Variants in RPS24 observed in about 807,000 individuals in gnomAD.
RPS24 encodes the protein ribosomal protein S24, also known as small ribosomal subunit protein eS24.
For missense variants in RPS24, 100 were observed against 162.5 expected (o/e 0.62, Z 2.09); for synonymous variants, 72 against 55.6 (o/e 1.30, Z -1.31).
chr10:78,034,591 A>G lies in RPS24; in HGVS notation c.3+687A>G, dbSNP rs1403781277. On this transcript the variant is annotated intron_variant, in intron 1 of 5. Coordinates refer to ENST00000372360, the MANE Select transcript of RPS24 (RefSeq NM_033022.4). Reference sequence around the variant, plus strand: ...TCTCAAAGTAAAATGGAGAAAGTCTAGGAAGTTATTTGCTGCCATGAAAGT... The same window carrying G: ...TCTCAAAGTAAAATGGAGAAAGTCTGGGAAGTTATTTGCTGCCATGAAAGT... 2.0e-5 allele frequency among the ~76,000 whole-genome samples: 3 copies of G among 152,186 alleles called. No homozygotes were observed. The East Asian group carries it at 5.8e-4, about 29-fold the overall frequency.
chr10:78,040,119 A>G (rs1847960879), intron 4 of RPS24, 85 bp from the exon 5 acceptor site: 1 of 1,315,844 alleles, frequency 7.6e-7, no homozygotes, highest in Non-Finnish European at 1.1e-6. Context: ...TTAAATGCAG[A>G]TTATTTTGGA....
intron 4 of RPS24, chr10:78,038,947 A>C (rs1847934852): frequency 6.6e-6 from 1 of 152,210 alleles, no homozygotes; most frequent in Non-Finnish European, 1.5e-5. Context: ...CCTCATTTAA[A>C]ACAAATTTTG....
intron 1 of RPS24, chr10:78,034,134 G>C: frequency 1.9e-6 from 1 of 527,810 alleles, no homozygotes; most frequent in Admixed American, 3.0e-5. Context: ...CCTGGGCAGT[G>C]CAGGAGCTGT....
rs1001961678 is a variant in RPS24, at chr10:78,040,541, C to T, written c.*20-74C>T. 3.8e-6 allele frequency: 4 copies of T among 1,060,984 alleles called. No homozygotes were observed. The South Asian group carries it at 5.0e-5, about 13-fold the overall frequency. 65.7% of individuals were successfully genotyped at this position (1,060,984 alleles called of 1,614,324 possible). A position where few individuals can be genotyped will look rare whatever the true frequency, so the allele number is the denominator to read the frequency against. On this transcript the variant is annotated intron_variant, in intron 5 of 5. Coordinates refer to ENST00000372360, the MANE Select transcript of RPS24 (RefSeq NM_033022.4). The stretch of plus-strand genomic sequence containing the variant: ...TAATAATTGTTGTGCATGAGTGTTA[C>T]TACTTTTGGAATTGAAGACTTTAAA...
At chr10:78,041,568 A>G (rs1847986474), downstream of RPS24, among the ~76,000 whole-genome samples, 1 of 152,220 alleles carries the variant, frequency 6.6e-6, no homozygotes, top group South Asian at 2.1e-4. Flanking sequence ...TTTTTGATGA[A>G]CAGTGCATAC....
downstream of RPS24, among the ~76,000 whole-genome samples, chr10:78,043,331 G>A (rs978140323): frequency 6.6e-6 from 1 of 152,174 alleles, no homozygotes; most frequent in East Asian, 1.9e-4. Context: ...CAAGAAGCAT[G>A]TCTTCCTGGA....
intron 4 of RPS24, among the ~76,000 whole-genome samples, chr10:78,052,823 G>A (rs906179170): frequency 3.3e-5 from 5 of 152,140 alleles, no homozygotes; most frequent in Admixed American, 2.6e-4. Flanking sequence ...AAGCATATGG[G>A]GAAATGGTTT....
downstream of RPS24, among the ~76,000 whole-genome samples, chr10:78,044,247 A>G (rs1023138003): frequency 6.6e-6 from 1 of 152,118 alleles, no homozygotes; most frequent in African/African-American, 2.4e-5. Context: ...GCACAGGAGA[A>G]AGTTCTCATT....
In RPS24 at chr10:78,038,413, A is replaced by C. The variant is rs546845756; in HGVS notation, c.390+1109A>C. ...TCTGGAGCCATGAAACCAGCCTGGC[A>C]GCACTGGTAATAAACTAGTCTGTGA... On this transcript the variant is annotated intron_variant, in intron 4 of 5. Coordinates refer to ENST00000372360, the MANE Select transcript of RPS24 (RefSeq NM_033022.4). 3.7e-3 allele frequency: 569 copies of C among 153,722 alleles called. 1 individual carries two copies. The highest frequency in any genetic ancestry group is 5.9e-3 in the Non-Finnish European group (407 of 69,076). The allele number at this position is 153,722 out of a possible 1,614,324, so 9.5% of individuals were successfully genotyped here. A position where few individuals can be genotyped will look rare whatever the true frequency, so the allele number is the denominator to read the frequency against.
At position 78,040,195 on chromosome 10, in the gene RPS24, C is replaced by T. The variant is rs770817159; in HGVS notation, c.391-9C>T. The T allele has an allele frequency of 6.2e-7, 1 of 1,613,442 alleles. No homozygotes were observed. Among genetic ancestry groups the T allele is most frequent in the South Asian group, 1.1e-5 (1 of 91,066 alleles). On this transcript the variant is annotated splice_polypyrimidine_tract_variant and intron_variant, in intron 4 of 5. Transcript: ENST00000372360. ...CTTTCTCTTTTTCCCTTCCCCGCCACTGATTCAGTGAGCTGGAGATTGGAT... is the reference window on the plus strand; with the variant it reads ...CTTTCTCTTTTTCCCTTCCCCGCCATTGATTCAGTGAGCTGGAGATTGGAT...
At chr10:78,040,480 A>G (rs761145567) in intron 5 of RPS24, 135 bp from the exon 6 acceptor site, 37 of 784,236 alleles carry the variant, frequency 4.7e-5, no homozygotes, top group Middle Eastern at 2.6e-4. Context: ...TCATTGTGTT[A>G]TGATAACATC....
At chr10:78,038,159 C>T (rs1315015640) in intron 4 of RPS24, 1 of 306,696 alleles carries the variant, frequency 3.3e-6, no homozygotes, top group East Asian at 8.6e-5. Flanking sequence ...TACTTTTGCA[C>T]CAACCTAATA....
intron 4 of RPS24, among the ~76,000 whole-genome samples, chr10:78,048,514 G>A (rs1848067309): frequency 6.6e-6 from 1 of 151,968 alleles, no homozygotes; most frequent in African/African-American, 2.4e-5. Context: ...GGGTTATAAG[G>A]GGATTCAAAA....
In RPS24 at chr10:78,054,774, G is replaced by A. The variant is rs753571981; in HGVS notation, c.634G>A (p.Glu212Lys). Residue 212 changes from glutamate to lysine, a missense_variant, in exon 5 of 5, where the codon GAG becomes AAG. Transcript: ENST00000440692. Reference sequence around the variant, plus strand: ...ACAGTGCTGCCAGGCGTGCCTTTTGGAGAGGGCACTGGTCAGAAACGGAGC... The same window carrying A: ...ACAGTGCTGCCAGGCGTGCCTTTTGAAGAGGGCACTGGTCAGAAACGGAGC... 52 of 1,551,540 alleles carry A rather than the reference G, an allele frequency of 3.4e-5. No homozygotes were observed. Among genetic ancestry groups the A allele is most frequent in the Admixed American group, 9.8e-5 (5 of 50,982 alleles).
intron 4 of RPS24, chr10:78,037,993 T>G: frequency 2.3e-6 from 3 of 1,295,010 alleles, no homozygotes; most frequent in Non-Finnish European, 3.0e-6. Flanking sequence ...GTACTGAGAT[T>G]GTAAGCACGG....
chr10:78,038,220 T>A (rs1158601135), intron 4 of RPS24: 1 of 209,376 alleles, frequency 4.8e-6, no homozygotes, highest in African/African-American at 2.4e-5. Flanking sequence ...TAAAATCATG[T>A]TTATTTTGTA....
chr10:78,040,565 A>C, intron 5 of RPS24, 50 bp from the exon 6 acceptor site: 1 of 1,395,394 alleles, frequency 7.2e-7, no homozygotes, highest in Non-Finnish European at 1.0e-6. Flanking sequence ...GAAGACTTTA[A>C]AGAATTTTAA....
chr10:78,043,767 C>CT (rs1848012779), downstream of RPS24, among the ~76,000 whole-genome samples: 1 of 152,168 alleles, frequency 6.6e-6, no homozygotes, highest in Non-Finnish European at 1.5e-5. Context: ...TGCAGGGAGG[C>CT]TGGGTCTTGG....
chr10:78,040,360 T>C lies in RPS24; in HGVS notation c.*19+135T>C, dbSNP rs1414768330. 10 of 808,792 alleles carry C rather than the reference T, an allele frequency of 1.2e-5. No individual in the cohort carries two copies. In the East Asian group the frequency reaches 2.1e-4, roughly 17 times the overall value. 50.1% of individuals were successfully genotyped at this position (808,792 alleles called of 1,614,324 possible). ...AATATTCTGAAGAGTTGTAACCTTTTAAAATACTAACAGTGACATGGTTTT... is the reference window on the plus strand; with the variant it reads ...AATATTCTGAAGAGTTGTAACCTTTCAAAATACTAACAGTGACATGGTTTT... On this transcript the variant is annotated intron_variant, in intron 5 of 5. Coordinates refer to ENST00000372360, the MANE Select transcript of RPS24 (RefSeq NM_033022.4).
Sources: allele counts gnomAD v4.1 joint callset (sites outside exome capture counted in the v4.1 genomes callset), GRCh38; gene constraint gnomAD v4.1.1; transcripts MANE v1.5; gene names NCBI Gene and HGNC (gene_info 2026-07-23, HGNC 2026-07-21).